Variants in MYO10 observed in about 807,000 individuals in gnomAD.
MYO10 encodes the protein unconventional myosin-X.
MYO10 carries 133 observed loss-of-function variants against 257.3 expected under a neutral mutation model. The ratio of observed to expected loss-of-function variants is 0.52; its 90% confidence interval spans 0.45 to 0.60. The LOEUF (loss-of-function observed/expected upper bound fraction) is 0.60. Among genes scored for constraint, MYO10 ranks in the 20% least tolerant of loss-of-function variants. The probability of loss-of-function intolerance (pLI) is 0.00; values close to 1 mark genes in which losing one functional copy is unlikely to be tolerated. For missense variants in MYO10, 2,399 were observed against 2,635.7 expected (o/e 0.91, Z 1.97); for synonymous variants, 1,104 against 1,028.6 (o/e 1.07, Z -1.40).
chr5:16,672,102 C>G (rs1736493480), intron 37 of MYO10, among the ~76,000 whole-genome samples: 1 of 152,122 alleles, frequency 6.6e-6, no homozygotes, highest in Admixed American at 6.5e-5. Flanking sequence ...TGGGACTAGC[C>G]TGACCAACAT....
intron 1 of MYO10, among the ~76,000 whole-genome samples, chr5:16,881,290 C>T (rs1031922993): frequency 2.6e-5 from 4 of 152,234 alleles, no homozygotes; most frequent in Non-Finnish European, 4.4e-5. Flanking sequence ...TTGGCTTCCA[C>T]AGGCCATCCA....
chr5:16,753,613 G>C (rs1206012031), intron 19 of MYO10, among the ~76,000 whole-genome samples: 1 of 151,754 alleles, frequency 6.6e-6, no homozygotes, highest in East Asian at 1.9e-4. Flanking sequence ...TGGGATTACA[G>C]GCACGTGACA....
At chr5:16,693,805 C>T (rs2126529308) in intron 27 of MYO10, among the ~76,000 whole-genome samples, 1 of 152,148 alleles carries the variant, frequency 6.6e-6, no homozygotes, top group East Asian at 1.9e-4. Context: ...AATAATAGGC[C>T]CTCAATAGTC....
At position 16,804,685 on chromosome 5, in the gene MYO10, C is replaced by T. The variant is rs182260890; in HGVS notation, c.280-9852G>A. Among the ~76,000 whole-genome samples, 114 of 152,244 alleles carry T rather than the reference C, an allele frequency of 7.5e-4. 1 individual carries two copies. In the East Asian group the frequency reaches 0.019, roughly 26 times the overall value. On this transcript the variant is annotated intron_variant, in intron 3 of 40. Coordinates refer to ENST00000513610, the MANE Select transcript of MYO10 (RefSeq NM_012334.3). ...GTCAGGAGTTCGAGACCAGCCAAGG[C>T]AGGAGGATGGCTTGAGCCCAGGAGT... is the stretch of plus-strand genomic sequence containing the variant.
At chr5:16,769,662 G>C (rs1740986963) in intron 9 of MYO10, among the ~76,000 whole-genome samples, 1 of 152,048 alleles carries the variant, frequency 6.6e-6, no homozygotes, top group Non-Finnish European at 1.5e-5. Flanking sequence ...CTTTTAAAAT[G>C]ATGAGGACAT....
In MYO10 at chr5:16,761,523, G is replaced by A. The variant is rs773237404; in HGVS notation, c.1680C>T (p.Ile560=). 1 of 1,613,076 alleles carries A rather than the reference G, an allele frequency of 6.2e-7. No individual in the cohort carries two copies. The highest frequency in any genetic ancestry group is 2.2e-5 in the East Asian group (1 of 44,828). The part of the protein sequence containing the change: ...AGEVQYDVRG[I]LEKNRDTFRD... ...GAAATGTATCTCTGTTCTTCTCCAA[G>A]ATACCTCGGACATCATATTGCACCT... The change falls in exon 17 of 41, where the codon ATC becomes ATT. Residue 560 remains isoleucine, a synonymous_variant. Transcript: ENST00000513610.
At chr5:16,778,483 G>T (rs1262274245) in intron 9 of MYO10, among the ~76,000 whole-genome samples, 4 of 152,022 alleles carry the variant, frequency 2.6e-5, no homozygotes, top group Non-Finnish European at 4.4e-5. Flanking sequence ...AGATGCTTTT[G>T]GGTCGATGAG....
chr5:16,896,030 C>A (rs868756516), intron 1 of MYO10, among the ~76,000 whole-genome samples: 12 of 152,208 alleles, frequency 7.9e-5, no homozygotes, highest in African/African-American at 2.2e-4. Context: ...CCTCAACACT[C>A]CTGGCCTCGC....
At chr5:16,761,996 CT>C in intron 16 of MYO10, 48 bp downstream of exon 16, 1 of 1,473,350 alleles carries the variant, frequency 6.8e-7, no homozygotes, top group Non-Finnish European at 9.0e-7. Flanking sequence ...ACTGTTTTCT[CT>C]GAATACCAAA....
In MYO10 at chr5:16,820,951, A is replaced by G. The variant is rs564150446; in HGVS notation, c.121-2784T>C. ...AAACATCTTATATATTATATATTATACATCTATACATATAAAACATCTTAT... is the reference window on the plus strand; with the variant it reads ...AAACATCTTATATATTATATATTATGCATCTATACATATAAAACATCTTAT... On this transcript the variant is annotated intron_variant, in intron 2 of 40. Transcript: ENST00000513610. Among the ~76,000 whole-genome samples, 17 of 147,892 alleles carry G rather than the reference A, an allele frequency of 1.1e-4. No individual in the cohort carries two copies. The South Asian group carries it at 3.6e-3, about 31-fold the overall frequency.
chr5:16,893,064 G>C (rs949758823), intron 1 of MYO10, among the ~76,000 whole-genome samples: 1 of 151,822 alleles, frequency 6.6e-6, no homozygotes, highest in Non-Finnish European at 1.5e-5. Flanking sequence ...GGGCGTGGTG[G>C]CGGGCGCCTG....
chr5:16,866,058 CAA>C (rs1554004354), intron 2 of MYO10, among the ~76,000 whole-genome samples: 12 of 131,534 alleles, frequency 9.1e-5, no homozygotes, highest in East Asian at 2.3e-4. Flanking sequence ...CACACACACA[CAA>C]AACAATAGAG....
chr5:16,795,326 G>A (rs1011410148), intron 3 of MYO10, among the ~76,000 whole-genome samples: 24 of 152,306 alleles, frequency 1.6e-4, no homozygotes, highest in East Asian at 3.9e-4. Context: ...GAAGTGGGCC[G>A]GGCCTGGTGG....
At position 16,835,621 on chromosome 5, in the gene MYO10, A is replaced by G. The variant is rs1378374717; in HGVS notation, c.121-17454T>C. Among the ~76,000 whole-genome samples the G allele has an allele frequency of 2.0e-5, 3 of 150,126 alleles. 1 individual carries two copies. In the South Asian group the frequency reaches 6.4e-4, roughly 32 times the overall value. Reference sequence around the variant, plus strand: ...AGAAGATAACAAGCCACATCAGCTCAGAATATGACATAATTATCTCCCCAC... The same window carrying G: ...AGAAGATAACAAGCCACATCAGCTCGGAATATGACATAATTATCTCCCCAC... On this transcript the variant is annotated intron_variant, in intron 2 of 40. Coordinates refer to ENST00000513610, the MANE Select transcript of MYO10 (RefSeq NM_012334.3).
intron 2 of MYO10, among the ~76,000 whole-genome samples, chr5:16,869,680 C>T (rs1744395395): frequency 6.6e-6 from 1 of 151,274 alleles, no homozygotes; most frequent in African/African-American, 2.5e-5. Flanking sequence ...GCCTAGCCAA[C>T]ATGGCAAAAG....
chr5:16,699,460 C>A lies in MYO10; in HGVS notation c.3546G>T (p.Leu1182=). 6.2e-7 allele frequency: 1 copy of A among 1,613,782 alleles called. No homozygotes were observed. The highest frequency in any genetic ancestry group is 1.1e-5 in the South Asian group (1 of 91,080). Residue 1182 remains leucine (L), a synonymous_variant, in exon 26 of 41, where the codon CTG becomes CTT. Coordinates refer to ENST00000513610, the MANE Select transcript of MYO10 (RefSeq NM_012334.3). ...CVTLPYFHSF[L]YMKGGLMNSW... ...CGGCTGCAGTCATACCTTTCATGTA[C>A]AGAAAGCTGTGGAAATACGGCAGAG...
At chr5:16,817,635 G>A (rs1742664360) in intron 3 of MYO10, among the ~76,000 whole-genome samples, 2 of 152,276 alleles carry the variant, frequency 1.3e-5, no homozygotes. Flanking sequence ...AGAAAAGACA[G>A]CTTAAGCTCA....
intron 22 of MYO10, among the ~76,000 whole-genome samples, chr5:16,703,520 C>A (rs1380020817): frequency 6.6e-6 from 1 of 152,156 alleles, no homozygotes; most frequent in Non-Finnish European, 1.5e-5. Context: ...CAGCTTTGTG[C>A]TTCAGAAAAT....
At chr5:16,916,153 T>C (rs1745810880) in intron 1 of MYO10, 2 of 456,166 alleles carry the variant, frequency 4.4e-6, no homozygotes, top group African/African-American at 2.0e-5. Flanking sequence ...ATTTCCACCA[T>C]GAACCATCTC....
Sources: gnomAD v4.1 joint callset for allele counts (sites outside exome capture counted in the v4.1 genomes callset) on GRCh38, gnomAD v4.1.1 for gene constraint, MANE v1.5 for transcripts, NCBI Gene and HGNC (gene_info 2026-07-23, HGNC 2026-07-21) for gene names.